PTPRR: variants seen among roughly 807,000 people sequenced by gnomAD.
PTPRR encodes the protein protein tyrosine phosphatase receptor type R, also known as receptor-type tyrosine-protein phosphatase R.
PTPRR carries 38 observed loss-of-function variants against 77.2 expected under a neutral mutation model. The ratio of observed to expected loss-of-function variants is 0.49; its 90% confidence interval spans 0.38 to 0.65. The LOEUF (loss-of-function observed/expected upper bound fraction) is 0.65. Ranked by LOEUF, PTPRR falls within the 30% of genes least tolerant of loss-of-function variation. The probability of loss-of-function intolerance (pLI) is 0.00; values close to 1 mark genes in which losing one functional copy is unlikely to be tolerated. For synonymous variants in PTPRR, 299 were observed against 283.1 expected (o/e 1.06, Z -0.57); for missense variants, 744 against 799.2 (o/e 0.93, Z 0.83).
intron 2 of PTPRR, among the ~76,000 whole-genome samples, chr12:70,778,136 T>C (rs747439766): frequency 2.6e-5 from 4 of 152,234 alleles, no homozygotes; most frequent in Non-Finnish European, 5.9e-5. Context: ...TTTGTGAATA[T>C]ATTTGTGGTG....
intron 2 of PTPRR, among the ~76,000 whole-genome samples, chr12:70,773,796 C>T (rs1891033221): frequency 6.6e-6 from 1 of 152,120 alleles, no homozygotes; most frequent in African/African-American, 2.4e-5. Context: ...TCTAATAGTA[C>T]ACAAGTGTTT....
intron 13 of PTPRR, among the ~76,000 whole-genome samples, chr12:70,650,708 A>G (rs1276814565): frequency 6.6e-6 from 1 of 152,192 alleles, no homozygotes; most frequent in Non-Finnish European, 1.5e-5. Context: ...TGCAGGATTC[A>G]GGAGCACCAC....
intron 1 of PTPRR, among the ~76,000 whole-genome samples, chr12:70,893,361 C>T (rs962465153): frequency 6.6e-6 from 1 of 151,774 alleles, no homozygotes; most frequent in African/African-American, 2.4e-5. Context: ...TTAAGCTTTC[C>T]TTAAATATAA....
intron 3 of PTPRR, among the ~76,000 whole-genome samples, chr12:70,764,027 T>A (rs891232661): frequency 4.0e-5 from 6 of 149,244 alleles, no homozygotes; most frequent in South Asian, 2.1e-4. Context: ...TTTTTTTTTT[T>A]ACTTTACCCA....
At chr12:70,903,692 T>A (rs1209198623) in intron 1 of PTPRR, among the ~76,000 whole-genome samples, 1 of 151,816 alleles carries the variant, frequency 6.6e-6, no homozygotes, top group Non-Finnish European at 1.5e-5. Context: ...TCCTTGGACA[T>A]GACATCAAAA....
At chr12:70,836,473 C>T (rs954275866) in intron 2 of PTPRR, among the ~76,000 whole-genome samples, 1 of 152,064 alleles carries the variant, frequency 6.6e-6, no homozygotes, top group Non-Finnish European at 1.5e-5. Flanking sequence ...AGAAATAGGA[C>T]ATATCACCAC....
intron 2 of PTPRR, among the ~76,000 whole-genome samples, chr12:70,850,147 A>G: frequency 6.6e-6 from 1 of 152,142 alleles, no homozygotes; most frequent in Admixed American, 6.6e-5. Context: ...AGATCACCTG[A>G]GGTCAGGAGT....
At chr12:70,732,734 T>C (rs1209396428) in intron 6 of PTPRR, among the ~76,000 whole-genome samples, 1 of 143,386 alleles carries the variant, frequency 7.0e-6, no homozygotes, top group Non-Finnish European at 1.5e-5. Context: ...CTAATTTTTG[T>C]ATTTTTAGTA....
At chr12:70,791,535 G>A (rs1891421959) in intron 2 of PTPRR, among the ~76,000 whole-genome samples, 1 of 151,912 alleles carries the variant, frequency 6.6e-6, no homozygotes, top group African/African-American at 2.4e-5. Context: ...ATTATATTCT[G>A]TTCCTATTAG....
intron 2 of PTPRR, among the ~76,000 whole-genome samples, chr12:70,803,859 T>C (rs1244044323): frequency 6.6e-6 from 1 of 152,188 alleles, no homozygotes; most frequent in Non-Finnish European, 1.5e-5. Flanking sequence ...AAGGTGTGCA[T>C]GCATGTGTGC....
At chr12:70,782,156 T>C (rs1891216085) in intron 2 of PTPRR, among the ~76,000 whole-genome samples, 1 of 152,162 alleles carries the variant, frequency 6.6e-6, no homozygotes. Context: ...TGTTCACACA[T>C]TTAAAAGTGC....
At chr12:70,720,983 C>A (rs990533038) in intron 6 of PTPRR, among the ~76,000 whole-genome samples, 2 of 152,178 alleles carry the variant, frequency 1.3e-5, no homozygotes, top group South Asian at 2.1e-4. Flanking sequence ...CTTAACAGCA[C>A]TGCTTTCTAG....
intron 8 of PTPRR, among the ~76,000 whole-genome samples, chr12:70,694,103 T>C (rs1298829900): frequency 6.6e-6 from 1 of 152,184 alleles, no homozygotes; most frequent in African/African-American, 2.4e-5. Context: ...GGAAATCAAA[T>C]CTAATTCCAG....
chr12:70,867,352 C>G (rs1217327466), intron 2 of PTPRR, among the ~76,000 whole-genome samples: 1 of 151,370 alleles, frequency 6.6e-6, no homozygotes, highest in East Asian at 1.9e-4. Context: ...TCTCAGGATA[C>G]AAAATCAATG....
chr12:70,721,829 T>C (rs1185356196), intron 6 of PTPRR, among the ~76,000 whole-genome samples: 1 of 151,970 alleles, frequency 6.6e-6, no homozygotes, highest in Non-Finnish European at 1.5e-5. Context: ...AAAGGAATCG[T>C]TGGGAGGATA....
In PTPRR at chr12:70,735,358, G is replaced by C. The variant is rs375245690; in HGVS notation, c.1007+10460C>G. On this transcript the variant is annotated intron_variant, in intron 6 of 13. Transcript: ENST00000283228. ...GGAGGCCCCACAATCATGGCAGAAG[G>C]TGAAGGAGGAGCAAAGGCATGTCTT... 1.7e-3 allele frequency among the ~76,000 whole-genome samples: 252 copies of C among 152,362 alleles called. 2 individuals are homozygous for C. Among genetic ancestry groups the C allele is most frequent in the African/African-American group, 5.7e-3 (239 of 41,580 alleles).
At chr12:70,717,126 AATTC>A (rs1889061385) in intron 6 of PTPRR, among the ~76,000 whole-genome samples, 1 of 152,188 alleles carries the variant, frequency 6.6e-6, no homozygotes, top group African/African-American at 2.4e-5. Context: ...TTTATGAGTT[AATTC>A]ATTATTTCTT....
At chr12:70,797,704 T>G (rs1023639188) in intron 2 of PTPRR, among the ~76,000 whole-genome samples, 1 of 152,138 alleles carries the variant, frequency 6.6e-6, no homozygotes, top group African/African-American at 2.4e-5. Flanking sequence ...TTTGGCACCA[T>G]TGAGTACTCT....
intron 2 of PTPRR, among the ~76,000 whole-genome samples, chr12:70,878,548 G>A (rs556581395): frequency 6.6e-6 from 1 of 152,290 alleles, no homozygotes; most frequent in South Asian, 2.1e-4. Flanking sequence ...AAACCACAAT[G>A]AGATACCATC....
Sources: allele counts gnomAD v4.1 joint callset (sites outside exome capture counted in the v4.1 genomes callset), GRCh38; gene constraint gnomAD v4.1.1; transcripts MANE v1.5; gene names NCBI Gene and HGNC (gene_info 2026-07-23, HGNC 2026-07-21).